Variants in DYTN observed in about 807,000 individuals in gnomAD.
DYTN encodes dystrotelin.
In DYTN, 75 loss-of-function variants were observed where a neutral mutation model predicts 69.6. The observed-to-expected ratio is 1.08, with a 90% CI of 0.89 to 1.31. The LOEUF (loss-of-function observed/expected upper bound fraction) is 1.31, where lower values mean the gene tolerates loss of function less well. Among genes scored for constraint, DYTN ranks in the 50% most tolerant of loss-of-function variants. The pLI is 0.00. For missense variants in DYTN, 726 were observed against 688.4 expected, an observed-to-expected ratio of 1.05 and a Z score of -0.61; for synonymous variants, 252 against 249.1, an observed-to-expected ratio of 1.01 and a Z score of -0.11.
intron 1 of DYTN, among the ~76,000 whole-genome samples, chr2:206,714,703 T>G (rs1345374957): frequency 6.6e-6 from 1 of 152,282 alleles, no homozygotes; most frequent in African/African-American, 2.4e-5. Flanking sequence ...AATGAATGGC[T>G]GCATGGTGTA....
At chr2:206,701,633 C>G (rs1288304908) in intron 5 of DYTN, among the ~76,000 whole-genome samples, 1 of 152,038 alleles carries the variant, frequency 6.6e-6, no homozygotes, top group African/African-American at 2.4e-5. Flanking sequence ...GGGCTGAGGA[C>G]AGGGATAAAT....
intron 1 of DYTN, among the ~76,000 whole-genome samples, chr2:206,717,417 C>T (rs998698741): frequency 5.3e-5 from 8 of 152,264 alleles, no homozygotes; most frequent in African/African-American, 1.9e-4. Context: ...TAGAAATGTA[C>T]ATTCCTGGAC....
At chr2:206,715,134 T>C (rs1204289753) in intron 1 of DYTN, among the ~76,000 whole-genome samples, 1 of 151,912 alleles carries the variant, frequency 6.6e-6, no homozygotes, top group East Asian at 1.9e-4. Context: ...AGGTCAGGAA[T>C]GAGGTAGAAA....
chr2:206,708,352 G>A (rs1054541094), intron 2 of DYTN, among the ~76,000 whole-genome samples: 9 of 152,138 alleles, frequency 5.9e-5, no homozygotes, highest in African/African-American at 2.4e-5. Context: ...AAGAGCTCCT[G>A]GCATTTAAAA....
In DYTN at chr2:206,707,325, G is replaced by T. The variant is rs201983397; in HGVS notation, c.273C>A (p.Ser91Arg). Reference sequence around the variant, plus strand: ...ACCTGTTGTACATTGTCGTGAGAAGGCTCAGAGTGAGTTCCGGAGCTCTGG... The same window carrying T: ...ACCTGTTGTACATTGTCGTGAGAAGTCTCAGAGTGAGTTCCGGAGCTCTGG... ...VHPRAPELTL[S>R]LLTTMYNSKG... The change falls in exon 3 of 12, where the codon AGC becomes AGA. Residue 91 changes from serine to arginine, a missense_variant. By Grantham distance (110) the Ser-to-Arg change is moderately radical. Transcript: ENST00000452335. 6.2e-7 allele frequency: 1 copy of T among 1,612,320 alleles called. No individual in the cohort carries two copies. Among genetic ancestry groups the T allele is most frequent in the Admixed American group, 1.7e-5 (1 of 59,808 alleles).
chr2:206,707,627 G>T, intron 2 of DYTN, 124 bp from the exon 3 acceptor site: 1 of 903,236 alleles, frequency 1.1e-6, no homozygotes, highest in Non-Finnish European at 1.7e-6. Flanking sequence ...TCTTTTAAGG[G>T]GAATGAAATA....
At position 206,666,860 on chromosome 2, in the gene DYTN, T is replaced by TACACAC. The variant is rs35200393; in HGVS notation, c.981-837_981-832dup. Among the ~76,000 whole-genome samples the TACACAC allele has an allele frequency of 9.5e-4, 130 of 137,552 alleles. 1 individual carries two copies. The highest frequency in any genetic ancestry group is 3.6e-3 in the South Asian group (14 of 3,904). The allele number at this position is 137,552 out of a possible 152,430, so 90.2% of individuals were successfully genotyped here. On this transcript the variant is annotated intron_variant, in intron 9 of 11. Transcript: ENST00000452335. The stretch of plus-strand genomic sequence containing the variant: ...AGGCAACATGGCAAGACCTCATCTC[T>TACACAC]ACACACACACACACACACACACACA...
chr2:206,718,364 C>T lies in DYTN; in HGVS notation c.-85G>A. 1 of 1,473,652 alleles carries T rather than the reference C, an allele frequency of 6.8e-7. No homozygotes were observed. Among genetic ancestry groups the T allele is most frequent in the Non-Finnish European group, 9.3e-7 (1 of 1,080,308 alleles). The allele number at this position is 1,473,652 out of a possible 1,614,324, so 91.3% of individuals were successfully genotyped here. On this transcript the variant is annotated 5_prime_UTR_variant, in exon 1 of 12. Coordinates refer to ENST00000452335, the MANE Select transcript of DYTN (RefSeq NM_001093730.1). ...GTATTTTAAGCAGAAGGTTTTGCAG[C>T]AGAGGAATGAGGACAGGGGAACAAA...
intron 11 of DYTN, among the ~76,000 whole-genome samples, chr2:206,653,999 C>T (rs1224212552): frequency 2.0e-5 from 3 of 152,144 alleles, no homozygotes; most frequent in Non-Finnish European, 2.9e-5. Flanking sequence ...TAGAAACATA[C>T]CCCACTTCAA....
intron 11 of DYTN, among the ~76,000 whole-genome samples, chr2:206,658,711 T>C (rs1473593445): frequency 6.6e-6 from 1 of 152,188 alleles, no homozygotes; most frequent in Non-Finnish European, 1.5e-5. Flanking sequence ...ATGGGTTTTA[T>C]TTTCCTGTTT....
intron 1 of DYTN, among the ~76,000 whole-genome samples, chr2:206,716,670 G>C (rs566680026): frequency 2.6e-5 from 4 of 152,060 alleles, no homozygotes; most frequent in Non-Finnish European, 5.9e-5. Context: ...AAAAAATTGA[G>C]AGTAGGCATA....
intron 1 of DYTN, among the ~76,000 whole-genome samples, chr2:206,717,043 A>AACAAACACACAC (rs1700136326): frequency 7.0e-6 from 1 of 143,726 alleles, no homozygotes; most frequent in Non-Finnish European, 1.5e-5. Flanking sequence ...TGCCGATGCA[A>AACAAACACACAC]ACACACACAC....
rs972765824 is a variant in DYTN at position 206,705,782 on chromosome 2, T to G, written c.382+6A>C. ...TTTAGGACACCCGCAGTCCTCTGCATGTTACCTCGGTATTTTGAAAGAGGG... is the reference window on the plus strand; with the variant it reads ...TTTAGGACACCCGCAGTCCTCTGCAGGTTACCTCGGTATTTTGAAAGAGGG... On this transcript the variant is annotated splice_donor_region_variant and intron_variant, in intron 4 of 11. Coordinates refer to ENST00000452335, the MANE Select transcript of DYTN (RefSeq NM_001093730.1). The G allele has an allele frequency of 3.7e-6, 6 of 1,613,432 alleles. No homozygotes were observed. The highest frequency in any genetic ancestry group is 2.2e-5 in the East Asian group (1 of 44,858).
intron 7 of DYTN, among the ~76,000 whole-genome samples, chr2:206,695,132 T>C (rs1023135274): frequency 2.6e-5 from 4 of 152,234 alleles, no homozygotes; most frequent in African/African-American, 9.6e-5. Flanking sequence ...TATAGAAGTC[T>C]GATTTATTTC....
At chr2:206,660,664 T>C in intron 11 of DYTN, among the ~76,000 whole-genome samples, 1 of 152,240 alleles carries the variant, frequency 6.6e-6, no homozygotes, top group Non-Finnish European at 1.5e-5. Context: ...GGTGGAATTT[T>C]GCGTCAGCTT....
chr2:206,708,740 C>T (rs1434351775), intron 2 of DYTN, among the ~76,000 whole-genome samples: 2 of 152,166 alleles, frequency 1.3e-5, no homozygotes, highest in African/African-American at 2.4e-5. Context: ...TCATGTTATG[C>T]TTTATCTCAG....
At chr2:206,695,541 T>A (rs1699910630) in intron 7 of DYTN, among the ~76,000 whole-genome samples, 1 of 152,196 alleles carries the variant, frequency 6.6e-6, no homozygotes, top group Admixed American at 6.5e-5. Context: ...AATCCCTTTG[T>A]GGTCAGAAGG....
chr2:206,699,813 C>T lies in DYTN; in HGVS notation c.633G>A (p.Pro211=), dbSNP rs113447424. 4.8e-3 allele frequency: 7,802 copies of T among 1,613,730 alleles called. 25 individuals carry two copies. Among genetic ancestry groups the T allele is most frequent in the African/African-American group, 0.012 (869 of 74,986 alleles). Residue 211 remains proline, a synonymous_variant, in exon 7 of 12, where the codon CCG becomes CCA. Transcript: ENST00000452335. ...QSEPPILLWL[P]TCHRLSAAER... ...CAGCAGCTGATAACCGGTGGCAGGTCGGGAGCCACAGGAGGATGGGAGGCT... is the reference window on the plus strand; with the variant it reads ...CAGCAGCTGATAACCGGTGGCAGGTTGGGAGCCACAGGAGGATGGGAGGCT...
chr2:206,693,150 T>C (rs1303959514), intron 9 of DYTN, 25 bp downstream of exon 9: 21 of 1,587,600 alleles, frequency 1.3e-5, no homozygotes, highest in Non-Finnish European at 1.8e-5. Flanking sequence ...CTCTGTGGGA[T>C]CAGCCAATCC....
Sources: allele counts gnomAD v4.1 joint callset (sites outside exome capture counted in the v4.1 genomes callset), GRCh38; gene constraint gnomAD v4.1.1; transcripts MANE v1.5; gene names NCBI Gene and HGNC (gene_info 2026-07-23, HGNC 2026-07-21).